Variants in MYT1L observed in about 807,000 individuals in gnomAD.
MYT1L encodes myelin transcription factor 1 like.
In MYT1L, 12 loss-of-function variants were observed where a neutral mutation model predicts 126.7. The ratio of observed to expected loss-of-function variants is 0.09; its 90% CI spans 0.06 to 0.15. The LOEUF is 0.15. MYT1L is among the 10% of genes least tolerant of loss of function. The pLI is 1.00. For synonymous variants in MYT1L, 541 were observed against 604.2 expected (o/e 0.90, Z 1.53); for missense variants, 979 against 1,585.2 (o/e 0.62, Z 6.49).
intron 22 of MYT1L, among the ~76,000 whole-genome samples, chr2:1,803,605 T>C (rs903430601): frequency 1.4e-4 from 22 of 152,210 alleles, no homozygotes; most frequent in African/African-American, 4.8e-4. Flanking sequence ...TCTAATTTTG[T>C]TCTGGGAGTG....
intron 4 of MYT1L, among the ~76,000 whole-genome samples, chr2:2,037,193 C>T (rs780683650): frequency 6.6e-6 from 1 of 152,194 alleles, no homozygotes; most frequent in Non-Finnish European, 1.5e-5. Flanking sequence ...TTGCTGCCTG[C>T]ACGATATTCT....
At chr2:2,287,361 G>A (rs931494076) in intron 1 of MYT1L, among the ~76,000 whole-genome samples, 2 of 152,082 alleles carry the variant, frequency 1.3e-5, no homozygotes, top group African/African-American at 2.4e-5. Flanking sequence ...TTGACTAGAC[G>A]AAGTTATTTA....
At chr2:2,122,868 TGTGTGAGAGAGA>T in intron 3 of MYT1L, among the ~76,000 whole-genome samples, 1 of 143,588 alleles carries the variant, frequency 7.0e-6, no homozygotes, top group South Asian at 2.2e-4. Flanking sequence ...TGTGTGTGTG[TGTGTGAGAGAGA>T]GAGAGAGAGA....
At chr2:1,859,038 G>A (rs1193854234) in intron 18 of MYT1L, among the ~76,000 whole-genome samples, 1 of 152,208 alleles carries the variant, frequency 6.6e-6, no homozygotes, top group Non-Finnish European at 1.5e-5. Context: ...CAGCCTGGGG[G>A]AGGGTGCTCT....
chr2:2,194,692 T>G (rs991059091), intron 2 of MYT1L, among the ~76,000 whole-genome samples: 2 of 152,078 alleles, frequency 1.3e-5, no homozygotes, highest in Non-Finnish European at 2.9e-5. Flanking sequence ...CTGTGAGACC[T>G]TCCCCCCTCA....
chr2:1,888,906 A>T (rs1027369617), intron 16 of MYT1L, among the ~76,000 whole-genome samples: 3 of 152,244 alleles, frequency 2.0e-5, no homozygotes, highest in African/African-American at 7.2e-5. Context: ...TCTACCTGCA[A>T]GGAAAATCCT....
At chr2:2,208,789 T>C (rs995832115) in intron 2 of MYT1L, among the ~76,000 whole-genome samples, 14 of 152,206 alleles carry the variant, frequency 9.2e-5, no homozygotes, top group Non-Finnish European at 1.5e-5. Context: ...TTTTAGGCTC[T>C]ATCATAGTAG....
At position 1,806,226 on chromosome 2, in the gene MYT1L, G is replaced by T. The variant is rs1273586567; in HGVS notation, c.3172+2850C>A. Among the ~76,000 whole-genome samples the T allele has an allele frequency of 2.0e-5, 3 of 152,188 alleles. No individual in the cohort carries two copies. The highest frequency in any genetic ancestry group is 1.5e-5 in the Non-Finnish European group (1 of 68,032). ...CAGTGTCAGGAATCGACAGCCCCAGGCATCAGCACACACTTGGACTTAGGA... is the reference window on the plus strand; with the variant it reads ...CAGTGTCAGGAATCGACAGCCCCAGTCATCAGCACACACTTGGACTTAGGA... On this transcript the variant is annotated intron_variant, in intron 22 of 24. Transcript: ENST00000647738. The surrounding 1 kb of genome is among the most constrained non-coding windows in gnomAD (Gnocchi z 4.9).
At chr2:2,032,658 G>A (rs528294768) in intron 4 of MYT1L, among the ~76,000 whole-genome samples, 13 of 131,264 alleles carry the variant, frequency 9.9e-5, no homozygotes, top group African/African-American at 3.6e-4. Flanking sequence ...ATTCTAGAAG[G>A]AGGGCCTTAC....
intron 18 of MYT1L, chr2:1,883,746 C>T (rs1001002318): frequency 6.6e-6 from 1 of 152,146 alleles, no homozygotes; most frequent in Non-Finnish European, 1.5e-5. Flanking sequence ...GGGTGTCCCT[C>T]CTCCGTCTGC....
chr2:1,965,439 G>A (rs1001955940), intron 8 of MYT1L, among the ~76,000 whole-genome samples: 3 of 147,202 alleles, frequency 2.0e-5, no homozygotes, highest in Admixed American at 6.8e-5. Flanking sequence ...ACCAGGCAGG[G>A]AAGAGGAGGA....
chr2:1,885,240 T>C (rs977444439), intron 18 of MYT1L: 1 of 152,562 alleles, frequency 6.6e-6, no homozygotes, highest in African/African-American at 2.4e-5. Flanking sequence ...TTTCGAGCCA[T>C]ACAAAAGACG....
intron 4 of MYT1L, among the ~76,000 whole-genome samples, chr2:2,036,825 G>A (rs769499030): frequency 3.9e-5 from 6 of 152,062 alleles, no homozygotes; most frequent in Non-Finnish European, 8.8e-5. Context: ...CATGTCCCTG[G>A]CAGCCTTTTG....
chr2:2,157,489 GT>G (rs1363925327), intron 3 of MYT1L, among the ~76,000 whole-genome samples: 7 of 152,126 alleles, frequency 4.6e-5, no homozygotes, highest in African/African-American at 1.7e-4. Flanking sequence ...ATTAGTTCAG[GT>G]TCAATGGTTA....
At chr2:1,949,431 T>C (rs1260456407) in intron 8 of MYT1L, among the ~76,000 whole-genome samples, 1 of 151,854 alleles carries the variant, frequency 6.6e-6, no homozygotes, top group African/African-American at 2.4e-5. Flanking sequence ...TGCCTCACGA[T>C]GTCTTTTTGC....
At chr2:1,991,476 C>T (rs2061451915) in intron 5 of MYT1L, among the ~76,000 whole-genome samples, 1 of 152,026 alleles carries the variant, frequency 6.6e-6, no homozygotes, top group African/African-American at 2.4e-5. Context: ...TATTTTTTGC[C>T]ACCATGTTGT....
chr2:1,957,668 T>A (rs2149364020), intron 8 of MYT1L, among the ~76,000 whole-genome samples: 1 of 152,278 alleles, frequency 6.6e-6, no homozygotes, highest in South Asian at 2.1e-4. Context: ...AATCTATCAA[T>A]CTATCTGTCA....
intron 2 of MYT1L, among the ~76,000 whole-genome samples, chr2:2,269,852 G>T (rs1026908562): frequency 1.3e-5 from 2 of 152,166 alleles, no homozygotes; most frequent in African/African-American, 4.8e-5. Context: ...GATTCTCCCA[G>T]CCAGAATTAT....
At chr2:2,281,328 A>G (rs1471063787) in intron 2 of MYT1L, among the ~76,000 whole-genome samples, 5 of 152,338 alleles carry the variant, frequency 3.3e-5, no homozygotes, top group Non-Finnish European at 2.9e-5. Flanking sequence ...ATCATCGGGT[A>G]TTTCTTCATG....
Sources: gnomAD v4.1 joint callset for allele counts (sites outside exome capture counted in the v4.1 genomes callset) on GRCh38, gnomAD v4.1.1 for gene constraint, Gnocchi (gnomAD v3.1) non-coding constraint, MANE v1.5 for transcripts, NCBI Gene and HGNC (gene_info 2026-07-23, HGNC 2026-07-21) for gene names.